The following RARRES2 variants were observed in gnomAD, a reference collection of about 807,000 sequenced individuals.
RARRES2 encodes retinoic acid receptor responder protein 2.
A neutral mutation model predicts 17.9 loss-of-function variants in RARRES2; 12 were observed. The observed-to-expected ratio is 0.67, with a 90% confidence interval of 0.43 to 1.08. The LOEUF is 1.08. Ranked by LOEUF, RARRES2 falls within the 50% of genes least tolerant of loss-of-function variation. The probability of loss-of-function intolerance (pLI) is 0.00; values close to 1 mark genes in which losing one functional copy is unlikely to be tolerated. For missense variants in RARRES2, 220 were observed against 210.1 expected (o/e 1.05, Z -0.29); for synonymous variants, 82 against 86.8 (o/e 0.94, Z 0.31).
intron 3 of RARRES2, among the ~76,000 whole-genome samples, chr7:150,339,645 G>A (rs1268311475): frequency 3.9e-5 from 6 of 152,106 alleles, no homozygotes; most frequent in South Asian, 2.1e-4. Context: ...CTCACAGAGC[G>A]GGAACTAGAA....
intron 1 of RARRES2, chr7:150,340,869 T>C: frequency 2.4e-6 from 1 of 411,068 alleles, no homozygotes; most frequent in Non-Finnish European, 4.3e-6. Context: ...TTTAGCAAAG[T>C]TCCCTGCCCA....
At position 150,340,620 on chromosome 7, in the gene RARRES2, C is replaced by T; in HGVS notation, c.-11G>A. ...CAGCAGCCGTCGCATGCTTCCGTGT[C>T]ACCCTGGCCCTGCGAAGCGGGTGTG... is the stretch of plus-strand genomic sequence containing the variant. On this transcript the variant is annotated 5_prime_UTR_variant, in exon 2 of 6. Coordinates refer to ENST00000223271, the MANE Select transcript of RARRES2 (RefSeq NM_002889.4). 6.7e-7 allele frequency: 1 copy of T among 1,494,300 alleles called. No homozygotes were observed. The highest frequency in any genetic ancestry group is 8.9e-7 in the Non-Finnish European group (1 of 1,119,218). 92.6% of individuals were successfully genotyped at this position (1,494,300 alleles called of 1,614,324 possible). A position where few individuals can be genotyped will look rare whatever the true frequency, so the allele number is the denominator to read the frequency against.
At position 150,340,465 on chromosome 7, in the gene RARRES2, C is replaced by G. The variant is rs764667739; in HGVS notation, c.145G>C (p.Glu49Gln). The part of the protein sequence containing the change: ...KHPPVQWAFQ[E>Q]TSVESAVDTP... ...TCCACGGCGCTCTCCACACTGGTCT[C>G]CTGGAAGGCCCACTGCACGGGCGGG... Residue 49 changes from glutamate to glutamine, a missense_variant, in exon 2 of 6, where the codon GAG becomes CAG. Physicochemically the swap from Glu to Gln is conservative, Grantham distance 29 (BLOSUM62 2). Coordinates refer to ENST00000223271, the MANE Select transcript of RARRES2 (RefSeq NM_002889.4). The G allele has an allele frequency of 6.2e-6, 10 of 1,610,078 alleles. No homozygotes were observed. Among genetic ancestry groups the G allele is most frequent in the Middle Eastern group, 1.7e-4 (1 of 5,754 alleles).
rs1224905122 is a variant in RARRES2, at chr7:150,340,615, C to G, written c.-6G>C. On this transcript the variant is annotated 5_prime_UTR_variant, in exon 2 of 6. Coordinates refer to ENST00000223271, the MANE Select transcript of RARRES2 (RefSeq NM_002889.4). ...GGGATCAGCAGCCGTCGCATGCTTCCGTGTCACCCTGGCCCTGCGAAGCGG... is the reference window on the plus strand; with the variant it reads ...GGGATCAGCAGCCGTCGCATGCTTCGGTGTCACCCTGGCCCTGCGAAGCGG... 6.6e-7 allele frequency: 1 copy of G among 1,508,344 alleles called. No homozygotes were observed. Among genetic ancestry groups the G allele is most frequent in the Non-Finnish European group, 8.9e-7 (1 of 1,125,704 alleles). The allele number at this position is 1,508,344 out of a possible 1,614,324, so 93.4% of individuals were successfully genotyped here.
In RARRES2 at chr7:150,339,101, A is replaced by C; in HGVS notation, c.280-20T>G. 6.4e-7 allele frequency: 1 copy of C among 1,567,648 alleles called. No homozygotes were observed. Among genetic ancestry groups the C allele is most frequent in the Non-Finnish European group, 8.8e-7 (1 of 1,138,044 alleles). ...TTTCCTCTGTGGGGGAGCGGGGAGC[A>C]TGGGGTGAGCAGAGGAAAAGGGTGA... is the stretch of plus-strand genomic sequence containing the variant. On this transcript the variant is annotated intron_variant, in intron 3 of 5. Transcript: ENST00000223271.
At chr7:150,339,105 G>C (rs760389743) in intron 3 of RARRES2, 24 bp from the exon 4 acceptor site, 1 of 1,556,018 alleles carries the variant, frequency 6.4e-7, no homozygotes, top group Admixed American at 1.7e-5. Context: ...GGGAGCATGG[G>C]GTGAGCAGAG....
chr7:150,341,068 T>G, intron 1 of RARRES2: 1 of 155,334 alleles, frequency 6.4e-6, no homozygotes, highest in Non-Finnish European at 1.4e-5. Context: ...TCCCACGGGG[T>G]TCCCCCCACG....
intron 1 of RARRES2, 166 bp downstream of exon 1, chr7:150,341,412 C>G (rs953920357): frequency 3.9e-5 from 6 of 152,386 alleles, no homozygotes; most frequent in South Asian, 2.1e-4. Context: ...CCGGAGAGCC[C>G]CGTCGGTCCT....
Position 150,340,054 on chromosome 7 carries a change from ACTCACACCCAGCATGCGCCCATTGCT to A in RARRES2, c.279+20_279+45del. The A allele has an allele frequency of 6.5e-7, 1 of 1,538,094 alleles. No homozygotes were observed. The highest frequency in any genetic ancestry group is 9.0e-7 in the Non-Finnish European group (1 of 1,111,862). On this transcript the variant is annotated intron_variant, in intron 3 of 5. Coordinates refer to ENST00000223271, the MANE Select transcript of RARRES2 (RefSeq NM_002889.4). Reference sequence around the variant, plus strand: ...CACACCCCAAACCCCAAGTCCATGCACTCACACCCAGCATGCGCCCATTGCTCTCACACCCCTTCACTCACCCCATT... The same window carrying A: ...CACACCCCAAACCCCAAGTCCATGCACTCACACCCCTTCACTCACCCCATT...
intron 2 of RARRES2, 81 bp from the exon 3 acceptor site, chr7:150,340,285 C>G (rs1203512419): frequency 6.4e-7 from 1 of 1,556,180 alleles, no homozygotes; most frequent in South Asian, 1.1e-5. Flanking sequence ...CCGCACCTCC[C>G]TCACGCAGTC....
Position 150,340,161 on chromosome 7 carries a change from TGCA to T in RARRES2, c.215_217del (p.Leu72del). On this transcript the variant is annotated inframe_deletion, in exon 3 of 6. Coordinates refer to ENST00000223271, the MANE Select transcript of RARRES2 (RefSeq NM_002889.4). ...GTCCCTCTTCCGGCAGCTTGTCTGC[TGCA>T]GCTTAAATTCCAGCCTCACAAATAT... 6.2e-7 allele frequency: 1 copy of T among 1,614,206 alleles called. No homozygotes were observed.
Position 150,340,081 on chromosome 7 carries a change from C to T in RARRES2, c.279+19G>A, listed in dbSNP as rs772304468. 3.7e-5 allele frequency: 60 copies of T among 1,606,274 alleles called. No individual in the cohort carries two copies. Among genetic ancestry groups the T allele is most frequent in the Non-Finnish European group, 4.5e-5 (53 of 1,173,186 alleles). ...TCACACCCAGCATGCGCCCATTGCT[C>T]TCACACCCCTTCACTCACCCCATTG... On this transcript the variant is annotated intron_variant, in intron 3 of 5. Transcript: ENST00000223271.
At chr7:150,340,840 G>T (rs1798471010) in intron 1 of RARRES2, 1 of 471,192 alleles carries the variant, frequency 2.1e-6, no homozygotes, top group Non-Finnish European at 3.7e-6. Context: ...TGCCCGCGCT[G>T]TTCCCTGGGG....
At position 150,338,658 on chromosome 7, in the gene RARRES2, C is replaced by T; in HGVS notation, c.459G>A (p.Gln153=). The T allele has an allele frequency of 6.4e-7, 1 of 1,555,446 alleles. No homozygotes were observed. Among genetic ancestry groups the T allele is most frequent in the African/African-American group, 1.4e-5 (1 of 73,386 alleles). The change falls in exon 5 of 6, where the codon CAG becomes CAA. Residue 153 remains glutamine, a synonymous_variant. Transcript: ENST00000223271. ...GGGGCAGGGCCTTGGAGAAGGCGAA[C>T]TGTCCAGGGAAGTAGAAGCTGTGGG... is the stretch of plus-strand genomic sequence containing the variant. The part of the protein sequence containing the change: ...EDPHSFYFPG[Q]FAFSKALPRS
At chr7:150,341,248 G>A (rs912261615) in intron 1 of RARRES2, 1 of 152,376 alleles carries the variant, frequency 6.6e-6, no homozygotes, top group Non-Finnish European at 1.5e-5. Flanking sequence ...GCTAGGAATG[G>A]GGGTCTCGCG....
At chr7:150,339,958 A>C in intron 3 of RARRES2, 142 bp downstream of exon 3, 1 of 765,932 alleles carries the variant, frequency 1.3e-6, no homozygotes, top group African/African-American at 1.7e-5. Context: ...GGCTCTTCGC[A>C]GTGGGGTCTC....
intron 5 of RARRES2, 39 bp from the exon 6 acceptor site, chr7:150,338,478 T>A (rs1200219278): frequency 1.3e-6 from 2 of 1,521,940 alleles, no homozygotes; most frequent in Non-Finnish European, 1.8e-6. Context: ...GTGAGGGAGG[T>A]TGCTTCAGCC....
chr7:150,339,933 C>G (rs532456608), intron 3 of RARRES2, among the ~76,000 whole-genome samples, 167 bp downstream of exon 3: 3 of 152,336 alleles, frequency 2.0e-5, no homozygotes, highest in Middle Eastern at 3.4e-3. Context: ...GGCTGAGCCA[C>G]TCCACCTCTA....
At position 150,340,621 on chromosome 7, in the gene RARRES2, A is replaced by C; in HGVS notation, c.-12T>G. On this transcript the variant is annotated 5_prime_UTR_variant, in exon 2 of 6. Coordinates refer to ENST00000223271, the MANE Select transcript of RARRES2 (RefSeq NM_002889.4). ...AGCAGCCGTCGCATGCTTCCGTGTC[A>C]CCCTGGCCCTGCGAAGCGGGTGTGC... is the stretch of plus-strand genomic sequence containing the variant. The C allele has an allele frequency of 6.7e-7, 1 of 1,490,400 alleles. No homozygotes were observed. 92.3% of individuals were successfully genotyped at this position (1,490,400 alleles called of 1,614,324 possible). A position where few individuals can be genotyped will look rare whatever the true frequency, so the allele number is the denominator to read the frequency against.
Sources: gnomAD v4.1 joint callset for allele counts (sites outside exome capture counted in the v4.1 genomes callset) on GRCh38, gnomAD v4.1.1 for gene constraint, MANE v1.5 for transcripts, NCBI Gene and HGNC (gene_info 2026-07-23, HGNC 2026-07-21) for gene names.